Variants in STAB2 observed in about 807,000 individuals in gnomAD.
STAB2 encodes the protein stabilin 2, also known as stabilin-2.
In STAB2, 288 loss-of-function variants were observed where a neutral mutation model predicts 338.1. The observed-to-expected ratio is 0.85, with a 90% confidence interval of 0.77 to 0.94. The LOEUF (loss-of-function observed/expected upper bound fraction) is 0.94, where lower values mean the gene tolerates loss of function less well. Among genes scored for constraint, STAB2 ranks in the 40% least tolerant of loss-of-function variants. The pLI, the probability that STAB2 is intolerant of heterozygous loss-of-function variation, is 0.00. For missense variants in STAB2, 3,141 were observed against 3,210.1 expected (o/e 0.98, Z 0.52); for synonymous variants, 1,202 against 1,193.3 (o/e 1.01, Z -0.15).
intron 19 of STAB2, among the ~76,000 whole-genome samples, chr12:103,667,106 G>A (rs1875180771): frequency 1.3e-5 from 2 of 152,158 alleles, no homozygotes; most frequent in Non-Finnish European, 2.9e-5. Flanking sequence ...ATGAGAAGTG[G>A]CATTAAACAC....
At chr12:103,682,187 C>G (rs928842079) in intron 25 of STAB2, among the ~76,000 whole-genome samples, 3 of 151,984 alleles carry the variant, frequency 2.0e-5, no homozygotes, top group Non-Finnish European at 2.9e-5. Context: ...AGGGGGGTCT[C>G]TTTGTGGTGT....
At chr12:103,593,299 C>T (rs1593117890) in intron 2 of STAB2, among the ~76,000 whole-genome samples, 1 of 152,164 alleles carries the variant, frequency 6.6e-6, no homozygotes. Context: ...TACAGTTGTT[C>T]CCTTTTCTCC....
intron 53 of STAB2, among the ~76,000 whole-genome samples, chr12:103,738,485 TGAC>T (rs1882328083): frequency 6.6e-6 from 1 of 152,178 alleles, no homozygotes; most frequent in Admixed American, 6.5e-5. Flanking sequence ...AGAGGTAAAG[TGAC>T]TTTACATGGC....
At position 103,740,715 on chromosome 12, in the gene STAB2, TC is replaced by T; in HGVS notation, c.5844del (p.Arg1949GlyfsTer176). The T allele has an allele frequency of 6.2e-7, 1 of 1,603,448 alleles. No homozygotes were observed. The highest frequency in any genetic ancestry group is 8.5e-7 in the Non-Finnish European group (1 of 1,176,478). On this transcript the variant is annotated frameshift_variant, in exon 55 of 69. Coordinates refer to ENST00000388887, the MANE Select transcript of STAB2 (RefSeq NM_017564.10). LOFTEE classifies it high-confidence loss of function. ...CRERCSLVIQ[I>X]PRCCKGYFGR... The stretch of plus-strand genomic sequence containing the variant: ...GAGCGGTGCAGCCTGGTGATACAGA[TC>T]CCCAGGTGCTGCAAGGGCTACTTCG...
intron 40 of STAB2, 61 bp downstream of exon 40, chr12:103,711,577 T>C: frequency 3.2e-6 from 5 of 1,570,074 alleles, no homozygotes; most frequent in Non-Finnish European, 4.4e-6. Context: ...CAATATTGTC[T>C]ACCCTAGTCT....
At chr12:103,598,324 G>C (rs1334825722) in intron 3 of STAB2, among the ~76,000 whole-genome samples, 1 of 152,210 alleles carries the variant, frequency 6.6e-6, no homozygotes, top group Non-Finnish European at 1.5e-5. Flanking sequence ...GGGGCAGGAA[G>C]TGTATTATCT....
chr12:103,613,539 C>T (rs565733419), intron 3 of STAB2, among the ~76,000 whole-genome samples: 35 of 152,280 alleles, frequency 2.3e-4, no homozygotes, highest in East Asian at 7.7e-4. Flanking sequence ...ACTGGAAAAG[C>T]GCAGTATCAG....
Position 103,660,390 on chromosome 12 carries a change from C to T in STAB2, c.1788+6C>T, listed in dbSNP as rs752719021. The T allele has an allele frequency of 6.2e-7, 1 of 1,614,086 alleles. No homozygotes were observed. The highest frequency in any genetic ancestry group is 1.3e-5 in the African/African-American group (1 of 75,038). On this transcript the variant is annotated splice_donor_region_variant and intron_variant, in intron 16 of 68. Transcript: ENST00000388887. ...ACATTGTCCCATTTACCCAGGTTGGCCCCACTTTTCCTGCTGCTACTTTCT... is the reference window on the plus strand; with the variant it reads ...ACATTGTCCCATTTACCCAGGTTGGTCCCACTTTTCCTGCTGCTACTTTCT...
At chr12:103,699,906 G>A (rs901678209) in intron 34 of STAB2, among the ~76,000 whole-genome samples, 8 of 152,216 alleles carry the variant, frequency 5.3e-5, no homozygotes, top group Non-Finnish European at 7.3e-5. Context: ...CCCCCAAGCC[G>A]TGCCTAGGAT....
chr12:103,766,047 A>AGTT lies in STAB2; in HGVS notation c.7606-237_7606-235dup, dbSNP rs1300534842. The AGTT allele has an allele frequency of 2.0e-5, 13 of 663,668 alleles. No individual in the cohort carries two copies. The African/African-American group carries it at 2.3e-4, about 12-fold the overall frequency. 41.1% of individuals were successfully genotyped at this position (663,668 alleles called of 1,614,324 possible). ...TTTGTAGATGAAGAAACTGCAGCCG[A>AGTT]GTTGGGATGATTTGTCTTGGGCCAC... On this transcript the variant is annotated intron_variant, in intron 68 of 68. Coordinates refer to ENST00000388887, the MANE Select transcript of STAB2 (RefSeq NM_017564.10).
intron 3 of STAB2, among the ~76,000 whole-genome samples, chr12:103,619,285 C>T: frequency 6.6e-6 from 1 of 152,094 alleles, no homozygotes; most frequent in East Asian, 1.9e-4. Context: ...CTGCTTGGTG[C>T]TTGCAGGTCC....
intron 5 of STAB2, among the ~76,000 whole-genome samples, chr12:103,625,728 T>G (rs1957371289): frequency 1.3e-5 from 2 of 152,244 alleles, no homozygotes; most frequent in South Asian, 4.1e-4. Context: ...ATGGTATATA[T>G]GTGCCACATT....
At chr12:103,709,838 A>G (rs998657992) in intron 39 of STAB2, among the ~76,000 whole-genome samples, 42 of 152,092 alleles carry the variant, frequency 2.8e-4, no homozygotes, top group African/African-American at 1.0e-3. Flanking sequence ...ACAGTAGGAC[A>G]TTTTCGGTGA....
intron 25 of STAB2, among the ~76,000 whole-genome samples, chr12:103,681,042 G>T (rs1163497253): frequency 2.6e-5 from 4 of 152,176 alleles, no homozygotes; most frequent in Non-Finnish European, 1.5e-5. Flanking sequence ...AGTGATAAAT[G>T]TTGTAAAAGC....
At chr12:103,690,635 C>T (rs1460567373) in intron 30 of STAB2, 97 bp downstream of exon 30, 11 of 999,784 alleles carry the variant, frequency 1.1e-5, no homozygotes, top group Middle Eastern at 2.3e-4. Flanking sequence ...TCCAAACATG[C>T]GCAAAACTAC....
chr12:103,732,035 A>G lies in STAB2; in HGVS notation c.5283+400A>G, dbSNP rs141362322. Reference sequence around the variant, plus strand: ...TTAAAACCGTATCTTTCTGGCAGGCACAGTGGCTCACACCTGTAATTTCAG... The same window carrying G: ...TTAAAACCGTATCTTTCTGGCAGGCGCAGTGGCTCACACCTGTAATTTCAG... On this transcript the variant is annotated intron_variant, in intron 50 of 68. Coordinates refer to ENST00000388887, the MANE Select transcript of STAB2 (RefSeq NM_017564.10). Among the ~76,000 whole-genome samples the G allele has an allele frequency of 2.9e-3, 446 of 152,344 alleles. 6 individuals are homozygous for G. The highest frequency in any genetic ancestry group is 0.01 in the African/African-American group (418 of 41,582).
At chr12:103,676,055 T>TTTG in intron 24 of STAB2, 34 bp downstream of exon 24, 1 of 1,304,582 alleles carries the variant, frequency 7.7e-7, no homozygotes, top group East Asian at 2.5e-5. Context: ...CCCTGCCTGG[T>TTTG]TTCTTTTTTT....
intron 3 of STAB2, among the ~76,000 whole-genome samples, chr12:103,603,349 C>T (rs189251335): frequency 3.9e-5 from 6 of 152,292 alleles, no homozygotes; most frequent in East Asian, 3.9e-4. Flanking sequence ...GGATTACAGG[C>T]GTGAGCCACC....
chr12:103,707,483 C>G (rs1459034959), intron 38 of STAB2, among the ~76,000 whole-genome samples: 1 of 152,224 alleles, frequency 6.6e-6, no homozygotes, highest in African/African-American at 2.4e-5. Flanking sequence ...TGAATGTACA[C>G]CTTTCTTGAC....
Sources: allele counts gnomAD v4.1 joint callset (sites outside exome capture counted in the v4.1 genomes callset), GRCh38; gene constraint gnomAD v4.1.1; transcripts MANE v1.5; gene names NCBI Gene and HGNC (gene_info 2026-07-23, HGNC 2026-07-21).